Variants in TRPM4 observed in about 807,000 individuals in gnomAD.
TRPM4 encodes calcium-activated non-selective cation channel 1.
Under a neutral mutation model 135.6 loss-of-function variants are expected in TRPM4, and 124 were observed. That is an observed-to-expected ratio of 0.91 (90% CI 0.79 to 1.06). TRPM4 has a LOEUF of 1.06. TRPM4 is among the 50% of genes least tolerant of loss of function. The pLI, the probability that TRPM4 is intolerant of heterozygous loss-of-function variation, is 0.00. For synonymous variants in TRPM4, 745 were observed against 705.6 expected, an observed-to-expected ratio of 1.06 and a Z score of -0.88; for missense variants, 1,658 against 1,671.4, an observed-to-expected ratio of 0.99 and a Z score of 0.14.
At chr19:49,185,047 G>A (rs1298635743) in intron 12 of TRPM4, among the ~76,000 whole-genome samples, 1 of 151,652 alleles carries the variant, frequency 6.6e-6, no homozygotes, top group African/African-American at 2.4e-5. Context: ...TCTCTAGGTG[G>A]TGAGACATCT....
In TRPM4 at chr19:49,197,308, T is replaced by TTTTCTTTCTTTC. The variant is rs78342507; in HGVS notation, c.2645+480_2645+491dup. 3.3e-3 allele frequency among the ~76,000 whole-genome samples: 401 copies of TTTTCTTTCTTTC among 122,286 alleles called. 2 individuals are homozygous for TTTTCTTTCTTTC. Among genetic ancestry groups the TTTTCTTTCTTTC allele is most frequent in the East Asian group, 6.9e-3 (29 of 4,208 alleles). The allele number at this position is 122,286 out of a possible 152,430, so 80.2% of individuals were successfully genotyped here. ...TCTTTCTTTCTTTCTCTTTCTTTCT[T>TTTTCTTTCTTTC]TTTCTTTCTTTCTTTCTTTCTTTCT... On this transcript the variant is annotated intron_variant, in intron 17 of 24. Coordinates refer to ENST00000252826, the MANE Select transcript of TRPM4 (RefSeq NM_017636.4).
rs777586166 is a variant in TRPM4 at position 49,188,672 on chromosome 19, C to T, written c.1775C>T (p.Ala592Val). ...AATGCAGTTTCCTCAGCTCTTGGGGCCTGTTTGCTGCTCCGGGTGATGGCA... is the reference window on the plus strand; with the variant it reads ...AATGCAGTTTCCTCAGCTCTTGGGGTCTGTTTGCTGCTCCGGGTGATGGCA... ...GSNAVSSALGACLLLRVMARL... is the reference protein window; with the variant it reads ...GSNAVSSALGVCLLLRVMARL... The change falls in exon 13 of 25, where the codon GCC becomes GTC. Residue 592 changes from alanine (A) to valine (V), a missense_variant. Ala to Val is a moderately conservative substitution (Grantham distance 64). This residue lies in a region of TRPM4 where 1,412 missense variants were observed against 1,408.7 expected (regional missense o/e 1.00). Transcript: ENST00000252826. The T allele has an allele frequency of 8.7e-6, 14 of 1,614,064 alleles. No homozygotes were observed. In the African/African-American group the frequency reaches 1.3e-4, roughly 15 times the overall value.
chr19:49,209,730 C>T (rs2145994361), intron 20 of TRPM4, among the ~76,000 whole-genome samples: 1 of 150,658 alleles, frequency 6.6e-6, no homozygotes, highest in East Asian at 1.9e-4. Context: ...GACCCTTGGC[C>T]CTTCTAAACT....
intron 6 of TRPM4, among the ~76,000 whole-genome samples, chr19:49,170,587 C>T (rs1334932026): frequency 6.6e-6 from 1 of 152,172 alleles, no homozygotes; most frequent in African/African-American, 2.4e-5. Flanking sequence ...ATAGCCCTTT[C>T]TATTCCCATT....
rs2122830977 is a variant in TRPM4 at position 49,171,298 on chromosome 19, T to A, written c.797-59T>A. ...CCGACTCCTGGGAAATGCGGTTTTC[T>A]CCTATCTCCAGCAAAGGCTGATGGG... On this transcript the variant is annotated intron_variant, in intron 6 of 24. Transcript: ENST00000252826. This position sits in a 1 kb window ranked among gnomAD's most constrained non-coding sequence, Gnocchi z 4.7. The A allele has an allele frequency of 2.5e-6, 4 of 1,598,794 alleles. 1 individual carries two copies. The Admixed American group carries it at 6.7e-5, about 27-fold the overall frequency.
chr19:49,210,146 C>A lies in TRPM4; in HGVS notation c.3132-63C>A, dbSNP rs115212832. Reference sequence around the variant, plus strand: ...TGAACAATTATTGCCTGGCATCTAACCTTCGTCCTTGCCCCTGGCTGGGCC... The same window carrying A: ...TGAACAATTATTGCCTGGCATCTAAACTTCGTCCTTGCCCCTGGCTGGGCC... On this transcript the variant is annotated intron_variant, in intron 20 of 24. Transcript: ENST00000252826. The surrounding 1 kb of genome is among the most constrained non-coding windows in gnomAD (Gnocchi z 4.1). 9.9e-4 allele frequency: 1,516 copies of A among 1,535,646 alleles called. 12 individuals are homozygous for A. In the African/African-American group the frequency reaches 0.018, roughly 18 times the overall value.
chr19:49,175,318 G>A (rs942508543), intron 9 of TRPM4, among the ~76,000 whole-genome samples: 3 of 151,658 alleles, frequency 2.0e-5, no homozygotes, highest in African/African-American at 4.8e-5. Flanking sequence ...CGGGTGATCC[G>A]CCCGCCTCGG....
intron 2 of TRPM4, among the ~76,000 whole-genome samples, chr19:49,165,221 C>T (rs534225850): frequency 1.6e-4 from 24 of 152,226 alleles, no homozygotes; most frequent in Non-Finnish European, 2.2e-4. Context: ...ACAAGCCACA[C>T]AGAAGCCAAA....
chr19:49,182,460 CCAT>C (rs1232714559), intron 10 of TRPM4, 115 bp from the exon 11 acceptor site: 39 of 374,694 alleles, frequency 1.0e-4, no homozygotes, highest in Non-Finnish European at 1.7e-4. Context: ...ACCCATCCAT[CCAT>C]CCATCCATCC....
At chr19:49,206,008 G>T in intron 20 of TRPM4, among the ~76,000 whole-genome samples, 1 of 151,908 alleles carries the variant, frequency 6.6e-6, no homozygotes, top group South Asian at 2.1e-4. Context: ...TCACCCAGGC[G>T]GGATTGCAGT....
intron 20 of TRPM4, among the ~76,000 whole-genome samples, chr19:49,203,082 G>A (rs1482944109): frequency 6.6e-6 from 1 of 151,204 alleles, no homozygotes; most frequent in Non-Finnish European, 1.5e-5. Context: ...TAGTAGAGAC[G>A]GAGTTTCACC....
chr19:49,162,875 C>T (rs1390494847), intron 2 of TRPM4, among the ~76,000 whole-genome samples: 1 of 151,896 alleles, frequency 6.6e-6, no homozygotes. Flanking sequence ...CATTCTCCTG[C>T]CTCAGCCTCC....
At chr19:49,183,799 A>C (rs1303116660) in intron 12 of TRPM4, among the ~76,000 whole-genome samples, 2 of 132,484 alleles carry the variant, frequency 1.5e-5, no homozygotes, top group South Asian at 2.3e-4. Flanking sequence ...TTTGAGATGG[A>C]GTCCTGCTCT....
At chr19:49,188,531 A>G in intron 12 of TRPM4, 110 bp from the exon 13 acceptor site, 1 of 1,487,716 alleles carries the variant, frequency 6.7e-7, no homozygotes, top group Non-Finnish European at 9.4e-7. Context: ...TTGGCCTCTG[A>G]TGACCCCAGT....
intron 3 of TRPM4, among the ~76,000 whole-genome samples, chr19:49,166,736 G>A (rs944386680): frequency 1.4e-4 from 15 of 108,866 alleles, no homozygotes; most frequent in East Asian, 3.1e-4. Flanking sequence ...CTCTGTCCCC[G>A]TCTCTCTGGG....
rs771728837 is a variant in TRPM4, at chr19:49,168,694, C to A, written c.754C>A (p.Arg252Ser). Residue 252 changes from arginine (R) to serine (S), a missense_variant, in exon 6 of 25, where the codon CGC becomes AGC. Coordinates refer to ENST00000252826, the MANE Select transcript of TRPM4 (RefSeq NM_017636.4). ...GGGGGGCGAGAACCGCTTCCGCTTG[C>A]GCCTGGAGTCCTACATCTCACAGCA... ...CLGGENRFRLRLESYISQQKT... is the reference protein window; with the variant it reads ...CLGGENRFRLSLESYISQQKT... 1 of 1,608,476 alleles carries A rather than the reference C, an allele frequency of 6.2e-7. No individual in the cohort carries two copies. The highest frequency in any genetic ancestry group is 1.3e-5 in the African/African-American group (1 of 74,934).
At chr19:49,160,483 C>CAAAAAAAA (rs555159944) in intron 2 of TRPM4, among the ~76,000 whole-genome samples, 1 of 67,838 alleles carries the variant, frequency 1.5e-5, no homozygotes, top group African/African-American at 4.7e-5. Context: ...GACTCCATCT[C>CAAAAAAAA]AAAAAAAAAA....
chr19:49,205,953 C>T (rs760770608), intron 20 of TRPM4, among the ~76,000 whole-genome samples: 1 of 152,056 alleles, frequency 6.6e-6, no homozygotes, highest in Admixed American at 6.6e-5. Flanking sequence ...TATGCCAGAA[C>T]CACACAGTTT....
Position 49,176,215 on chromosome 19 carries a change from C to T in TRPM4, c.1150+4107C>T, listed in dbSNP as rs188946501. ...CTTGGATTACAGGTGTGAGCCACCGCGCCCGGCCTTAATTCATTTTTAGGT... is the reference window on the plus strand; with the variant it reads ...CTTGGATTACAGGTGTGAGCCACCGTGCCCGGCCTTAATTCATTTTTAGGT... On this transcript the variant is annotated intron_variant, in intron 9 of 24. Transcript: ENST00000252826. 4.5e-4 allele frequency among the ~76,000 whole-genome samples: 69 copies of T among 152,060 alleles called. 1 individual carries two copies. In the East Asian group the frequency reaches 0.011, roughly 24 times the overall value.
Sources: gnomAD v4.1 joint callset for allele counts (sites outside exome capture counted in the v4.1 genomes callset) on GRCh38, gnomAD v4.1.1 for gene constraint, gnomAD v4.1.1 regional missense constraint, Gnocchi (gnomAD v3.1) non-coding constraint, MANE v1.5 for transcripts, NCBI Gene and HGNC (gene_info 2026-07-23, HGNC 2026-07-21) for gene names.